SORCS3: variants seen among roughly 807,000 people sequenced by gnomAD.
SORCS3 encodes the protein VPS10 domain-containing receptor SorCS3.
A neutral mutation model predicts 146.3 loss-of-function variants in SORCS3; 57 were observed. The ratio of observed to expected loss-of-function variants is 0.39; its 90% CI spans 0.31 to 0.49. SORCS3 has a LOEUF of 0.49. SORCS3 is among the 20% of genes least tolerant of loss of function. SORCS3 has a pLI of 0.92. For missense variants in SORCS3, 1,341 were observed against 1,575.5 expected (o/e 0.85, Z 2.52); for synonymous variants, 653 against 618.5 (o/e 1.06, Z -0.83).
intron 1 of SORCS3, among the ~76,000 whole-genome samples, chr10:104,822,426 G>T (rs1466711713): frequency 1.3e-5 from 2 of 152,204 alleles, no homozygotes; most frequent in African/African-American, 4.8e-5. Flanking sequence ...AGGACAAGGA[G>T]ATACGATCAA....
intron 3 of SORCS3, among the ~76,000 whole-genome samples, chr10:104,919,850 A>G (rs1469309646): frequency 1.3e-5 from 2 of 152,344 alleles, no homozygotes; most frequent in South Asian, 2.1e-4. Flanking sequence ...CGTAGTCTAC[A>G]TTCTAACTTT....
intron 1 of SORCS3, among the ~76,000 whole-genome samples, chr10:104,648,536 A>G (rs967173782): frequency 1.3e-5 from 2 of 152,156 alleles, no homozygotes; most frequent in African/African-American, 2.4e-5. Flanking sequence ...GCCATACTCT[A>G]TAGTCAACCT....
In SORCS3 at chr10:104,988,782, A is replaced by G. The variant is rs372155642; in HGVS notation, c.954+11289A>G. ...GATATAGTGTTTGTTCAATTTGCTA[A>G]AGAGAAGACAATTTGTCAAGATTCT... On this transcript the variant is annotated intron_variant, in intron 4 of 26. Transcript: ENST00000369701. Among the ~76,000 whole-genome samples the G allele has an allele frequency of 2.1e-3, 314 of 152,326 alleles. 2 individuals carry two copies. Among genetic ancestry groups the G allele is most frequent in the African/African-American group, 7.3e-3 (304 of 41,572 alleles).
At chr10:104,682,248 C>T (rs2015986601) in intron 1 of SORCS3, among the ~76,000 whole-genome samples, 1 of 152,242 alleles carries the variant, frequency 6.6e-6, no homozygotes. Flanking sequence ...AGTTCATGAG[C>T]ATCTCACCTG....
chr10:104,742,104 T>C (rs2133461389), intron 1 of SORCS3, among the ~76,000 whole-genome samples: 1 of 152,002 alleles, frequency 6.6e-6, no homozygotes, highest in South Asian at 2.1e-4. Flanking sequence ...ATGATAGTGG[T>C]GGGGGACAGG....
At chr10:105,018,217 C>G (rs2133686499) in intron 4 of SORCS3, among the ~76,000 whole-genome samples, 1 of 152,276 alleles carries the variant, frequency 6.6e-6, no homozygotes, top group Admixed American at 6.5e-5. Context: ...GGCGACGTTC[C>G]CCTCAGAGGG....
At chr10:104,961,363 A>G (rs1332426771) in intron 3 of SORCS3, among the ~76,000 whole-genome samples, 1 of 152,162 alleles carries the variant, frequency 6.6e-6, no homozygotes, top group Non-Finnish European at 1.5e-5. Flanking sequence ...GTAGAAATCC[A>G]TGTCTGGGTT....
At chr10:105,179,876 G>A (rs2056432316) in intron 14 of SORCS3, among the ~76,000 whole-genome samples, 1 of 152,168 alleles carries the variant, frequency 6.6e-6, no homozygotes, top group Admixed American at 6.5e-5. Context: ...AGAATGCTTA[G>A]CTTTGCCGTT....
chr10:104,794,602 T>A lies in SORCS3; in HGVS notation c.628-48190T>A, dbSNP rs540551985. On this transcript the variant is annotated intron_variant, in intron 1 of 26. Coordinates refer to ENST00000369701, the MANE Select transcript of SORCS3 (RefSeq NM_014978.3). ...AAGGTAGATAGGGTGTGTGTGTGTG[T>A]GTGAGAGAGAGAGAGGGAGGGAGAG... Among the ~76,000 whole-genome samples, 35 of 132,930 alleles carry A rather than the reference T, an allele frequency of 2.6e-4. 1 individual carries two copies. The highest frequency in any genetic ancestry group is 5.7e-4 in the Admixed American group (7 of 12,302). The allele number at this position is 132,930 out of a possible 152,430, so 87.2% of individuals were successfully genotyped here.
chr10:105,116,062 C>T (rs916257612), intron 7 of SORCS3, among the ~76,000 whole-genome samples: 1 of 152,178 alleles, frequency 6.6e-6, no homozygotes, highest in African/African-American at 2.4e-5. Flanking sequence ...CTTTAAATAG[C>T]TTGGATGCAT....
At chr10:104,791,936 T>G (rs1183085157) in intron 1 of SORCS3, among the ~76,000 whole-genome samples, 2 of 152,152 alleles carry the variant, frequency 1.3e-5, no homozygotes, top group Non-Finnish European at 2.9e-5. Context: ...TCTGGGAAAT[T>G]GGGAGCTCAT....
At chr10:105,071,539 T>C (rs1427662342) in intron 5 of SORCS3, among the ~76,000 whole-genome samples, 1 of 152,228 alleles carries the variant, frequency 6.6e-6, no homozygotes, top group Non-Finnish European at 1.5e-5. Flanking sequence ...TTTTTATTTT[T>C]TGTGGGCTTA....
intron 4 of SORCS3, among the ~76,000 whole-genome samples, chr10:104,982,096 A>G (rs1292044256): frequency 4.6e-5 from 7 of 152,166 alleles, no homozygotes; most frequent in Non-Finnish European, 1.0e-4. Flanking sequence ...ATCACCTCCT[A>G]TCCGACAAGA....
At chr10:104,940,488 CG>C (rs1564718091) in intron 3 of SORCS3, among the ~76,000 whole-genome samples, 1 of 146,538 alleles carries the variant, frequency 6.8e-6, no homozygotes, top group African/African-American at 2.5e-5. Flanking sequence ...TGACAACATG[CG>C]GCGTTCGCTT....
intron 4 of SORCS3, among the ~76,000 whole-genome samples, chr10:104,983,365 G>A (rs1395992082): frequency 6.6e-6 from 1 of 152,088 alleles, no homozygotes; most frequent in Non-Finnish European, 1.5e-5. Context: ...CACCTTCTTG[G>A]TGTCCATTTT....
chr10:105,169,544 A>G (rs573809387), intron 13 of SORCS3, among the ~76,000 whole-genome samples: 1 of 152,218 alleles, frequency 6.6e-6, no homozygotes, highest in South Asian at 2.1e-4. Context: ...GGGAAAGAAG[A>G]AACTTTGACC....
intron 2 of SORCS3, among the ~76,000 whole-genome samples, chr10:104,870,371 ATTG>A (rs2018506446): frequency 6.6e-6 from 1 of 152,186 alleles, no homozygotes; most frequent in Admixed American, 6.5e-5. Flanking sequence ...ACAGGTATTT[ATTG>A]AGCCCTTTGT....
intron 14 of SORCS3, among the ~76,000 whole-genome samples, chr10:105,197,801 C>G (rs2056552042): frequency 6.6e-6 from 1 of 152,164 alleles, no homozygotes; most frequent in African/African-American, 2.4e-5. Flanking sequence ...TTTAGTCTGT[C>G]ACGACCTTAT....
chr10:104,709,035 G>T (rs768818833), intron 1 of SORCS3, among the ~76,000 whole-genome samples: 1 of 152,116 alleles, frequency 6.6e-6, no homozygotes, highest in Non-Finnish European at 1.5e-5. Flanking sequence ...CCATCTCCTC[G>T]CTTTTGCTTT....
Sources: allele counts gnomAD v4.1 joint callset (sites outside exome capture counted in the v4.1 genomes callset), GRCh38; gene constraint gnomAD v4.1.1; transcripts MANE v1.5; gene names NCBI Gene and HGNC (gene_info 2026-07-23, HGNC 2026-07-21).